The following CAMTA1 variants were observed in gnomAD, a reference collection of about 807,000 sequenced individuals.
CAMTA1 encodes the protein calmodulin binding transcription activator 1.
A neutral mutation model predicts 170.9 loss-of-function variants in CAMTA1; 27 were observed. The ratio of observed to expected loss-of-function variants is 0.16; its 90% CI spans 0.12 to 0.22. CAMTA1 has a LOEUF of 0.22. Ranked by LOEUF, CAMTA1 falls within the 10% of genes least tolerant of loss-of-function variation. The pLI is 1.00. For missense variants in CAMTA1, 1,619 were observed against 2,217.2 expected, an observed-to-expected ratio of 0.73 and a Z score of 5.42; for synonymous variants, 833 against 891.5, an observed-to-expected ratio of 0.93 and a Z score of 1.17.
rs1431010506 is a variant in CAMTA1 at position 7,588,178 on chromosome 1, GTC to G, written c.511-52214_511-52213del. Among the ~76,000 whole-genome samples the G allele has an allele frequency of 1.3e-5, 2 of 152,062 alleles. No homozygotes were observed. The highest frequency in any genetic ancestry group is 4.8e-5 in the African/African-American group (2 of 41,340). ...GTCACAGGCCCTGCCCATTGGCAAGGTCTCTCTCTGCCTCTCAGCCAGGAAAA... is the reference window on the plus strand; with the variant it reads ...GTCACAGGCCCTGCCCATTGGCAAGGTCTCTCTGCCTCTCAGCCAGGAAAA... On this transcript the variant is annotated intron_variant, in intron 6 of 22. Transcript: ENST00000303635. This position sits in a 1 kb window ranked among gnomAD's most constrained non-coding sequence, Gnocchi z 5.8.
chr1:7,508,488 C>A (rs938327513), intron 6 of CAMTA1, among the ~76,000 whole-genome samples: 1 of 152,214 alleles, frequency 6.6e-6, no homozygotes, highest in African/African-American at 2.4e-5. Flanking sequence ...CTAAAGTGGG[C>A]GGGAAATGCT....
chr1:7,134,882 G>C (rs1011185107), intron 4 of CAMTA1, among the ~76,000 whole-genome samples: 2 of 152,068 alleles, frequency 1.3e-5, no homozygotes, highest in African/African-American at 2.4e-5. Context: ...CTAATATCCA[G>C]AATCCATAAT....
At chr1:6,803,713 T>A (rs11122155) in intron 1 of CAMTA1, among the ~76,000 whole-genome samples, 25,444 of 152,146 alleles carry the variant, frequency 0.17, 2,219 homozygotes, top group East Asian at 0.29. Flanking sequence ...GGTTCTTTTT[T>A]AAATTATTTT....
chr1:7,407,050 A>C (rs1478577855), intron 5 of CAMTA1, among the ~76,000 whole-genome samples: 4 of 152,208 alleles, frequency 2.6e-5, no homozygotes, highest in Non-Finnish European at 2.9e-5. Context: ...GCAACCTTGC[A>C]CTTAGTGCGA....
chr1:7,424,373 A>C (rs1029553782), intron 5 of CAMTA1, among the ~76,000 whole-genome samples: 12 of 146,384 alleles, frequency 8.2e-5, no homozygotes, highest in African/African-American at 3.0e-4. Flanking sequence ...GATCTTGGAA[A>C]TATCATTTTG....
At chr1:7,710,659 T>C (rs926134441) in intron 11 of CAMTA1, among the ~76,000 whole-genome samples, 41 of 151,482 alleles carry the variant, frequency 2.7e-4, no homozygotes, top group Admixed American at 7.2e-4. Flanking sequence ...GAATTAGTGT[T>C]ATCTTCAGCT....
chr1:7,729,114 C>CTTTTTTT (rs146252158), intron 11 of CAMTA1, among the ~76,000 whole-genome samples: 2 of 142,278 alleles, frequency 1.4e-5, no homozygotes, highest in African/African-American at 2.6e-5. Context: ...TATGAGGAAT[C>CTTTTTTT]TTTTTTTTTC....
chr1:7,444,785 G>T (rs987910820), intron 5 of CAMTA1, among the ~76,000 whole-genome samples: 3 of 152,202 alleles, frequency 2.0e-5, no homozygotes. Context: ...AGAAATGGGG[G>T]TTTCCCCCAA....
intron 3 of CAMTA1, among the ~76,000 whole-genome samples, chr1:7,008,142 G>A (rs758357478): frequency 2.1e-4 from 32 of 152,190 alleles, no homozygotes; most frequent in Middle Eastern, 3.2e-3. Context: ...GAAGGGAGGT[G>A]GAGCTCGGTT....
chr1:7,132,708 G>C (rs9434477), intron 4 of CAMTA1, among the ~76,000 whole-genome samples: 10 of 151,872 alleles, frequency 6.6e-5, no homozygotes, highest in African/African-American at 2.2e-4. Flanking sequence ...CAATAATAAC[G>C]TATTATATAG....
At chr1:7,170,937 G>A (rs1649473691) in intron 4 of CAMTA1, among the ~76,000 whole-genome samples, 1 of 152,066 alleles carries the variant, frequency 6.6e-6, no homozygotes, top group African/African-American at 2.4e-5. Flanking sequence ...TCCATTTTGT[G>A]GGTGCCATGT....
At position 7,215,265 on chromosome 1, in the gene CAMTA1, C is replaced by G. The variant is rs562177511; in HGVS notation, c.303-34226C>G. ...TTCTTATGGTTTTGCTGTTGTTCTTCTTCTAGCTTTTTGAGCTTAGAATTT... is the reference window on the plus strand; with the variant it reads ...TTCTTATGGTTTTGCTGTTGTTCTTGTTCTAGCTTTTTGAGCTTAGAATTT... On this transcript the variant is annotated intron_variant, in intron 4 of 22. Transcript: ENST00000303635. Among the ~76,000 whole-genome samples the G allele has an allele frequency of 3.7e-4, 56 of 152,170 alleles. 1 individual carries two copies. Among genetic ancestry groups the G allele is most frequent in the African/African-American group, 1.3e-3 (52 of 41,516 alleles).
rs149109137 is a variant in CAMTA1 at position 7,540,760 on chromosome 1, T to G, written c.510+72859T>G. Among the ~76,000 whole-genome samples the G allele has an allele frequency of 5.0e-3, 764 of 152,186 alleles. 5 individuals carry two copies. Among genetic ancestry groups the G allele is most frequent in the African/African-American group, 0.016 (673 of 41,502 alleles). The stretch of plus-strand genomic sequence containing the variant: ...CAGTAAGTTAAAGGCTTCTGAGAGA[T>G]AGTTACATAGTCAAAAAAAAAGGTC... On this transcript the variant is annotated intron_variant, in intron 6 of 22. Coordinates refer to ENST00000303635, the MANE Select transcript of CAMTA1 (RefSeq NM_015215.4).
At chr1:7,294,787 C>T (rs913289272) in intron 5 of CAMTA1, among the ~76,000 whole-genome samples, 2 of 152,218 alleles carry the variant, frequency 1.3e-5, no homozygotes, top group Admixed American at 6.5e-5. Flanking sequence ...CAGGTGAGGA[C>T]CAGCCCAGAC....
chr1:7,208,834 G>C (rs542076362), intron 4 of CAMTA1, among the ~76,000 whole-genome samples: 1 of 152,168 alleles, frequency 6.6e-6, no homozygotes, highest in Non-Finnish European at 1.5e-5. Flanking sequence ...GATATGTGTT[G>C]TTTCACATGT....
chr1:7,120,047 G>A (rs116001729), intron 4 of CAMTA1, among the ~76,000 whole-genome samples: 120 of 152,260 alleles, frequency 7.9e-4, no homozygotes, highest in African/African-American at 2.9e-3. Context: ...TACAGATGAG[G>A]AAACCGAGGC....
chr1:7,250,683 C>G (rs1262612694), intron 5 of CAMTA1, among the ~76,000 whole-genome samples: 1 of 151,998 alleles, frequency 6.6e-6, no homozygotes, highest in East Asian at 1.9e-4. Context: ...AAAAATAGCA[C>G]CAAATGGCCT....
intron 3 of CAMTA1, among the ~76,000 whole-genome samples, chr1:6,929,445 C>T (rs1683982900): frequency 1.3e-5 from 2 of 152,052 alleles, no homozygotes; most frequent in South Asian, 4.1e-4. Flanking sequence ...TCACTGCTAG[C>T]TCCGCCTCCT....
intron 3 of CAMTA1, among the ~76,000 whole-genome samples, chr1:7,054,694 G>A (rs1392129733): frequency 1.3e-5 from 2 of 152,198 alleles, no homozygotes; most frequent in African/African-American, 4.8e-5. Context: ...CCACACTTGA[G>A]TTACACGGAC....
Sources: gnomAD v4.1 joint callset for allele counts (sites outside exome capture counted in the v4.1 genomes callset) on GRCh38, gnomAD v4.1.1 for gene constraint, Gnocchi (gnomAD v3.1) non-coding constraint, MANE v1.5 for transcripts, NCBI Gene and HGNC (gene_info 2026-07-23, HGNC 2026-07-21) for gene names.